Variants in PCDH15 observed in about 807,000 individuals in gnomAD.
The protein encoded by PCDH15 is protocadherin related 15, also known as protocadherin-15.
A neutral mutation model predicts 178.5 loss-of-function variants in PCDH15; 129 were observed. That is an observed-to-expected ratio of 0.72 (90% CI 0.63 to 0.84). PCDH15 has a LOEUF of 0.84. Among genes scored for constraint, PCDH15 ranks in the 40% least tolerant of loss-of-function variants. The pLI, the probability that PCDH15 is intolerant of heterozygous loss-of-function variation, is 0.00. For missense variants in PCDH15, 2,230 were observed against 2,099.9 expected (o/e 1.06, Z -1.21); for synonymous variants, 800 against 732.0 (o/e 1.09, Z -1.50).
chr10:55,531,950 T>C lies in PCDH15; in HGVS notation c.-156+95675A>G, dbSNP rs1013532745. Among the ~76,000 whole-genome samples, 4 of 152,030 alleles carry C rather than the reference T, an allele frequency of 2.6e-5. No homozygotes were observed. In the South Asian group the frequency reaches 6.2e-4, roughly 24 times the overall value. Reference sequence around the variant, plus strand: ...GAAAGCAGAAGTAGCAGAAAAACTATTGGAGACTTTCAATGAATACGAAGA... The same window carrying C: ...GAAAGCAGAAGTAGCAGAAAAACTACTGGAGACTTTCAATGAATACGAAGA... On this transcript the variant is annotated intron_variant, in intron 2 of 5. Transcript: ENST00000613346.
At chr10:54,973,820 C>T (rs572112705) in intron 2 of PCDH15, among the ~76,000 whole-genome samples, 3 of 152,198 alleles carry the variant, frequency 2.0e-5, no homozygotes, top group East Asian at 3.9e-4. Flanking sequence ...AACATATACA[C>T]AATACACAAC....
chr10:55,184,761 A>T (rs72801689), intron 1 of PCDH15, among the ~76,000 whole-genome samples: 1 of 152,086 alleles, frequency 6.6e-6, no homozygotes, highest in Non-Finnish European at 1.5e-5. Flanking sequence ...CCTCAAAATT[A>T]AACTTGATCT....
At chr10:53,949,550 T>C (rs991766888) in intron 23 of PCDH15, among the ~76,000 whole-genome samples, 1 of 152,036 alleles carries the variant, frequency 6.6e-6, no homozygotes, top group Non-Finnish European at 1.5e-5. Flanking sequence ...CTGGGCAATA[T>C]AGCAAGACAC....
chr10:54,930,897 G>A (rs1400986841), intron 2 of PCDH15, among the ~76,000 whole-genome samples: 11 of 152,032 alleles, frequency 7.2e-5, no homozygotes, highest in African/African-American at 2.2e-4. Context: ...CTTACTAATA[G>A]AGTAACAAAA....
At position 54,292,090 on chromosome 10, in the gene PCDH15, A is replaced by G. The variant is rs374020010; in HGVS notation, c.876+25181T>C. The stretch of plus-strand genomic sequence containing the variant: ...ATCCTCAATAAAATACTGGCAAACC[A>G]AATCCAGCAGCACAAGAAAAAGCTT... On this transcript the variant is annotated intron_variant, in intron 8 of 37. Transcript: ENST00000644397. Among the ~76,000 whole-genome samples, 394 of 152,312 alleles carry G rather than the reference A, an allele frequency of 2.6e-3. 1 individual carries two copies. Among genetic ancestry groups the G allele is most frequent in the African/African-American group, 7.1e-3 (296 of 41,570 alleles).
chr10:55,048,493 C>T (rs1194406487), intron 2 of PCDH15, among the ~76,000 whole-genome samples: 1 of 151,862 alleles, frequency 6.6e-6, no homozygotes. Flanking sequence ...TTATGCCTCT[C>T]ATAGCATTAA....
intron 1 of PCDH15, among the ~76,000 whole-genome samples, chr10:54,679,462 A>G (rs944504445): frequency 2.6e-5 from 4 of 152,232 alleles, no homozygotes; most frequent in Non-Finnish European, 4.4e-5. Flanking sequence ...GTGAAAACAC[A>G]TAAGTAAACT....
At chr10:55,010,100 T>C (rs753512013) in intron 2 of PCDH15, among the ~76,000 whole-genome samples, 14 of 152,112 alleles carry the variant, frequency 9.2e-5, no homozygotes, top group Admixed American at 2.0e-4. Flanking sequence ...CAAGGACTTA[T>C]AATAGCAATA....
intron 2 of PCDH15, among the ~76,000 whole-genome samples, chr10:55,060,491 G>T (rs1387727397): frequency 6.6e-6 from 1 of 151,842 alleles, no homozygotes; most frequent in Non-Finnish European, 1.5e-5. Flanking sequence ...AAAGTCAAAT[G>T]AGCTAATTTT....
chr10:54,117,898 A>G (rs1292459744), intron 15 of PCDH15, among the ~76,000 whole-genome samples: 1 of 152,146 alleles, frequency 6.6e-6, no homozygotes, highest in Non-Finnish European at 1.5e-5. Context: ...GAGGAAGTAC[A>G]TGCTGATTGG....
chr10:54,298,351 A>G (rs2059927763), intron 8 of PCDH15, among the ~76,000 whole-genome samples: 2 of 152,172 alleles, frequency 1.3e-5, no homozygotes, highest in African/African-American at 4.8e-5. Context: ...TTGGTGTTCT[A>G]TAATAGGGAC....
At chr10:54,088,688 G>T (rs1328865979) in intron 16 of PCDH15, among the ~76,000 whole-genome samples, 3 of 152,152 alleles carry the variant, frequency 2.0e-5, no homozygotes, top group Admixed American at 6.5e-5. Flanking sequence ...CTCATATATT[G>T]CAATTTATGA....
At chr10:54,330,693 C>A (rs1939328346) in intron 6 of PCDH15, among the ~76,000 whole-genome samples, 1 of 151,854 alleles carries the variant, frequency 6.6e-6, no homozygotes, top group Non-Finnish European at 1.5e-5. Context: ...AACACTAGTG[C>A]TCTGGTATAA....
chr10:54,128,129 G>A (rs921250219), intron 15 of PCDH15, among the ~76,000 whole-genome samples: 6 of 152,020 alleles, frequency 3.9e-5, no homozygotes, highest in Admixed American at 6.6e-5. Context: ...CTGTGCTAGA[G>A]GAAGGACCCC....
chr10:55,352,733 T>G (rs1844970302), intron 2 of PCDH15, among the ~76,000 whole-genome samples: 1 of 152,130 alleles, frequency 6.6e-6, no homozygotes, highest in South Asian at 2.1e-4. Flanking sequence ...GACTATGATG[T>G]GTACCAAAAA....
At chr10:55,583,261 T>C (rs779562448) in intron 2 of PCDH15, among the ~76,000 whole-genome samples, 5 of 152,172 alleles carry the variant, frequency 3.3e-5, no homozygotes, top group African/African-American at 1.2e-4. Context: ...ATAAAAATAT[T>C]GAGGCCACAG....
At chr10:54,107,342 G>A (rs1270970882) in intron 15 of PCDH15, among the ~76,000 whole-genome samples, 2 of 152,096 alleles carry the variant, frequency 1.3e-5, no homozygotes, top group Non-Finnish European at 2.9e-5. Context: ...TTTTCTTCTT[G>A]AATAAGTAAT....
At chr10:55,077,014 G>A (rs952408447) in intron 2 of PCDH15, among the ~76,000 whole-genome samples, 2 of 150,852 alleles carry the variant, frequency 1.3e-5, no homozygotes, top group East Asian at 2.0e-4. Flanking sequence ...TGATCCGCCC[G>A]CCTCAGCCTC....
intron 8 of PCDH15, among the ~76,000 whole-genome samples, chr10:54,288,420 G>A (rs2059175679): frequency 6.6e-6 from 1 of 152,120 alleles, no homozygotes. Flanking sequence ...GGCTGAATAG[G>A]AACAGCTCCG....
Sources: gnomAD v4.1 joint callset for allele counts (sites outside exome capture counted in the v4.1 genomes callset) on GRCh38, gnomAD v4.1.1 for gene constraint, MANE v1.5 for transcripts, NCBI Gene and HGNC (gene_info 2026-07-23, HGNC 2026-07-21) for gene names.